Variants in DYNC2I2 observed in about 807,000 individuals in gnomAD.
The protein encoded by DYNC2I2 is cytoplasmic dynein 2 intermediate chain 2.
DYNC2I2 carries 39 observed loss-of-function variants against 52.0 expected under a neutral mutation model. That is an observed-to-expected ratio of 0.75 (90% confidence interval 0.58 to 0.98). The LOEUF is 0.98. Ranked by LOEUF, DYNC2I2 falls within the 50% of genes least tolerant of loss-of-function variation. DYNC2I2 has a pLI of 0.00. For synonymous variants in DYNC2I2, 359 were observed against 321.1 expected (o/e 1.12, Z -1.26); for missense variants, 743 against 728.4 (o/e 1.02, Z -0.23).
chr9:128,654,790 C>T (rs1288999926), intron 1 of DYNC2I2, among the ~76,000 whole-genome samples: 1 of 152,164 alleles, frequency 6.6e-6, no homozygotes, highest in African/African-American at 2.4e-5. Flanking sequence ...ACGCTCACTC[C>T]TCCAAATCTT....
intron 1 of DYNC2I2, among the ~76,000 whole-genome samples, chr9:128,649,309 T>C (rs1860679502): frequency 6.6e-6 from 1 of 152,158 alleles, no homozygotes; most frequent in African/African-American, 2.4e-5. Context: ...CCAGGCGCGA[T>C]GGTGTGCACC....
the DYNC2I2 span, among the ~76,000 whole-genome samples, chr9:128,681,045 A>G: frequency 1.3e-5 from 2 of 152,084 alleles, no homozygotes; most frequent in East Asian, 3.9e-4. Context: ...TTCACTCAAC[A>G]TTATATTTGT....
chr9:128,640,758 A>C lies in DYNC2I2; in HGVS notation c.368T>G (p.Leu123Arg). The part of the protein sequence containing the change: ...RRVEAMVIRE[L>R]NKNWQSHAFD... The stretch of plus-strand genomic sequence containing the variant: ...CGCGTGGCTCTGCCAATTCTTGTTC[A>C]GCTCTCGGATGACCATGGCCTCCAC... The change falls in exon 2 of 9, where the codon CTG becomes CGG. Residue 123 changes from leucine (L) to arginine (R), a missense_variant. Physicochemically the swap from Leu to Arg is moderately radical, Grantham distance 102. Coordinates refer to ENST00000372715, the MANE Select transcript of DYNC2I2 (RefSeq NM_052844.4). The C allele has an allele frequency of 6.2e-7, 1 of 1,614,098 alleles. No individual in the cohort carries two copies.
the DYNC2I2 span, chr9:128,683,784 G>A: frequency 7.9e-5 from 67 of 850,826 alleles, no homozygotes; most frequent in Non-Finnish European, 1.1e-4. Flanking sequence ...TTCCAGGCAG[G>A]GCGGCTCCAG....
At chr9:128,644,637 G>A (rs1860579112) in intron 1 of DYNC2I2, among the ~76,000 whole-genome samples, 1 of 152,048 alleles carries the variant, frequency 6.6e-6, no homozygotes, top group African/African-American at 2.4e-5. Context: ...CTCAGCCACG[G>A]TGCCCTCCCG....
intron 1 of DYNC2I2, among the ~76,000 whole-genome samples, chr9:128,646,346 T>G (rs1326546519): frequency 6.6e-6 from 1 of 152,178 alleles, no homozygotes; most frequent in African/African-American, 2.4e-5. Flanking sequence ...GTAGCTGGGA[T>G]TACAGGTGCC....
At chr9:128,640,999 G>GCC (rs1860506364) in intron 1 of DYNC2I2, 60 bp from the exon 2 acceptor site, 2 of 1,511,514 alleles carry the variant, frequency 1.3e-6, no homozygotes, top group Non-Finnish European at 1.8e-6. Context: ...CCCCCACCCA[G>GCC]CCCCCTGCCT....
intron 2 of DYNC2I2, among the ~76,000 whole-genome samples, chr9:128,640,012 C>CTGTTTTT (rs1860482109): frequency 8.4e-6 from 1 of 118,900 alleles, no homozygotes; most frequent in Non-Finnish European, 1.6e-5. Context: ...AGGAGACATT[C>CTGTTTTT]TTTTTTTTTT....
the DYNC2I2 span, among the ~76,000 whole-genome samples, chr9:128,679,447 TTTAG>T: frequency 2.0e-5 from 3 of 152,112 alleles, no homozygotes; most frequent in African/African-American, 7.2e-5. Context: ...ATGACTAAGA[TTTAG>T]TTAAAGTAAT....
the DYNC2I2 span, among the ~76,000 whole-genome samples, chr9:128,668,959 A>G: frequency 1.3e-5 from 2 of 152,092 alleles, no homozygotes; most frequent in African/African-American, 4.8e-5. Flanking sequence ...GGCCAGGTGC[A>G]GTGGCTCACA....
chr9:128,673,630 C>T, the DYNC2I2 span, among the ~76,000 whole-genome samples: 1 of 151,668 alleles, frequency 6.6e-6, no homozygotes. Context: ...CTCAGCCTCC[C>T]GAGTAGCTGG....
intron 1 of DYNC2I2, chr9:128,651,823 G>A (rs1390067450): frequency 6.7e-6 from 1 of 148,448 alleles, no homozygotes; most frequent in African/African-American, 2.6e-5. Context: ...GCTGAGGCAG[G>A]AGAATTGCTT....
At chr9:128,678,929 C>T in the DYNC2I2 span, among the ~76,000 whole-genome samples, 6 of 151,502 alleles carry the variant, frequency 4.0e-5, no homozygotes, top group African/African-American at 9.7e-5. Context: ...ATTAGCCGGG[C>T]GTGGTGGTGG....
chr9:128,678,336 G>A, the DYNC2I2 span, among the ~76,000 whole-genome samples: 4 of 151,246 alleles, frequency 2.6e-5, no homozygotes, highest in Non-Finnish European at 5.9e-5. Context: ...CCAAAGTGCT[G>A]GGATTACAGG....
chr9:128,656,587 G>A lies in DYNC2I2; in HGVS notation c.140C>T (p.Ser47Phe). 6 of 1,485,568 alleles carry A rather than the reference G, an allele frequency of 4.0e-6. No homozygotes were observed. The South Asian group carries it at 6.3e-5, about 16-fold the overall frequency. 92.0% of individuals were successfully genotyped at this position (1,485,568 alleles called of 1,614,324 possible). Residue 47 changes from serine (S) to phenylalanine (F), a missense_variant, in exon 1 of 9, where the codon TCC becomes TTC. Physicochemically the swap from Ser to Phe is radical, Grantham distance 155. Coordinates refer to ENST00000372715, the MANE Select transcript of DYNC2I2 (RefSeq NM_052844.4). Reference sequence around the variant, plus strand: ...GACGGCCCTCCACTGCGAGGGCACGGACGCCACACCCAGGGTCTCGTCCTG... The same window carrying A: ...GACGGCCCTCCACTGCGAGGGCACGAACGCCACACCCAGGGTCTCGTCCTG... ...PLQDETLGVA[S>F]VPSQWRAVQG...
chr9:128,658,400 A>G (rs748225144), upstream of DYNC2I2, among the ~76,000 whole-genome samples: 66 of 151,870 alleles, frequency 4.3e-4, no homozygotes, highest in Non-Finnish European at 8.5e-4. Context: ...CCTGATCTCA[A>G]ATGATCTGCC....
the DYNC2I2 span, among the ~76,000 whole-genome samples, chr9:128,678,932 G>T: frequency 1.3e-5 from 2 of 152,118 alleles, no homozygotes; most frequent in African/African-American, 4.8e-5. Flanking sequence ...AGCCGGGCGT[G>T]GTGGTGGGCG....
chr9:128,657,504 T>C (rs923276794), upstream of DYNC2I2, among the ~76,000 whole-genome samples: 2 of 151,638 alleles, frequency 1.3e-5, no homozygotes, highest in African/African-American at 2.4e-5. Flanking sequence ...AAAATAAAAA[T>C]AAAGAATAAA....
At chr9:128,668,236 G>A in the DYNC2I2 span, among the ~76,000 whole-genome samples, 1 of 145,790 alleles carries the variant, frequency 6.9e-6, no homozygotes, top group Non-Finnish European at 1.5e-5. Context: ...TGGGATTACA[G>A]GCGTGAGCCA....
Sources: gnomAD v4.1 joint callset for allele counts (sites outside exome capture counted in the v4.1 genomes callset) on GRCh38, gnomAD v4.1.1 for gene constraint, MANE v1.5 for transcripts, NCBI Gene and HGNC (gene_info 2026-07-23, HGNC 2026-07-21) for gene names.